Variants in GRIA3 observed in about 807,000 individuals in gnomAD.
GRIA3 encodes glutamate ionotropic receptor AMPA type subunit 3.
Under a neutral mutation model 63.0 loss-of-function variants are expected in GRIA3, and 3 were observed. That is an observed-to-expected ratio of 0.05 (90% CI 0.02 to 0.12). The LOEUF (loss-of-function observed/expected upper bound fraction) is 0.12. Ranked by LOEUF, GRIA3 falls within the 10% of genes least tolerant of loss-of-function variation. The pLI is 1.00. For missense variants in GRIA3, 347 were observed against 700.9 expected, an observed-to-expected ratio of 0.50 and a Z score of 5.70; for synonymous variants, 274 against 257.9, an observed-to-expected ratio of 1.06 and a Z score of -0.60.
chrX:123,285,088 G>A (rs1351447253), intron 3 of GRIA3, among the ~76,000 whole-genome samples: 7 of 111,465 alleles, frequency 6.3e-5, no homozygotes, highest in Non-Finnish European at 1.1e-4. Flanking sequence ...GAGAGTGGGG[G>A]CCAATATTCA....
intron 5 of GRIA3, among the ~76,000 whole-genome samples, chrX:123,372,112 A>T (rs1054655752): frequency 1.8e-5 from 2 of 112,208 alleles, no homozygotes; most frequent in Non-Finnish European, 3.8e-5. Flanking sequence ...CAGTTTTCCC[A>T]GCACAATTTA....
In GRIA3 at chrX:123,360,738, G is replaced by GA. The variant is rs756585455; in HGVS notation, c.750+5782dup. On this transcript the variant is annotated intron_variant, in intron 5 of 15. Coordinates refer to ENST00000620443, the MANE Select transcript of GRIA3 (RefSeq NM_007325.5). ...AGGACACCTTTGTGAATCTGGTTTT[G>GA]AAAAAAACCATCCAAAAGCCCAACA... 1.4e-3 allele frequency among the ~76,000 whole-genome samples: 130 copies of GA among 96,206 alleles called. 2 individuals are homozygous for GA. The highest frequency in any genetic ancestry group is 4.7e-3 in the African/African-American group (123 of 25,971). 83.5% of individuals were successfully genotyped at this position (96,206 alleles called of 115,157 possible). A position where few individuals can be genotyped will look rare whatever the true frequency, so the allele number is the denominator to read the frequency against.
At chrX:123,416,886 A>C (rs1436469801) in intron 10 of GRIA3, among the ~76,000 whole-genome samples, 1 of 112,620 alleles carries the variant, frequency 8.9e-6, no homozygotes, top group Admixed American at 9.4e-5. Context: ...TTTCAAAAAA[A>C]TTCAAGAATA....
chrX:123,198,507 T>A (rs1455042924), intron 2 of GRIA3, among the ~76,000 whole-genome samples: 2 of 112,081 alleles, frequency 1.8e-5, no homozygotes, highest in Non-Finnish European at 3.8e-5. Flanking sequence ...TGGAAGATAT[T>A]CTTAACTATC....
At chrX:123,263,929 A>C (rs1489863861) in intron 3 of GRIA3, among the ~76,000 whole-genome samples, 2 of 112,050 alleles carry the variant, frequency 1.8e-5, no homozygotes, top group Non-Finnish European at 3.8e-5. Context: ...GAGGAGACAT[A>C]TGGAACTCAT....
chrX:123,489,474 CTT>C lies in GRIA3; in HGVS notation c.*766_*767del, dbSNP rs777211857. 2 of 112,596 alleles carry C rather than the reference CTT, an allele frequency of 1.8e-5. No individual in the cohort carries two copies. Among genetic ancestry groups the C allele is most frequent in the African/African-American group, 6.5e-5 (2 of 30,933 alleles). 9.3% of individuals were successfully genotyped at this position (112,596 alleles called of 1,213,427 possible). A position where few individuals can be genotyped will look rare whatever the true frequency, so the allele number is the denominator to read the frequency against. On this transcript the variant is annotated 3_prime_UTR_variant, in exon 16 of 16. Coordinates refer to ENST00000620443, the MANE Select transcript of GRIA3 (RefSeq NM_007325.5). The stretch of plus-strand genomic sequence containing the variant: ...AGATTTACAGAGCTTTCGAAATTGA[CTT>C]TGTGTGTAGCAAGGGACGGGGCACT...
At chrX:123,326,264 T>G (rs1374024612) in intron 4 of GRIA3, 51 bp downstream of exon 4, 1 of 1,010,536 alleles carries the variant, frequency 9.9e-7, no homozygotes, top group African/African-American at 1.9e-5. Flanking sequence ...ATTATCAACC[T>G]AAGTCAGCTC....
At chrX:123,461,942 T>C (rs937270629) in intron 12 of GRIA3, among the ~76,000 whole-genome samples, 1 of 111,558 alleles carries the variant, frequency 9.0e-6, no homozygotes, top group African/African-American at 3.3e-5. Context: ...ACTGATAGAA[T>C]GTAGAAGGAA....
intron 12 of GRIA3, among the ~76,000 whole-genome samples, chrX:123,463,682 A>AAGAAAGAAAGAG (rs2045814249): frequency 4.9e-5 from 2 of 40,707 alleles, no homozygotes; most frequent in Middle Eastern, 0.013. Context: ...GAAAGAAAGA[A>AAGAAAGAAAGAG]AGAGAGAGAA....
At chrX:123,290,492 A>G (rs1168521913) in intron 3 of GRIA3, among the ~76,000 whole-genome samples, 1 of 110,363 alleles carries the variant, frequency 9.1e-6, no homozygotes, top group Non-Finnish European at 1.9e-5. Context: ...TGAGTCCTCT[A>G]TATGGGAGGG....
At position 123,253,323 on chromosome X, in the gene GRIA3, G is replaced by A. The variant is rs751235830; in HGVS notation, c.289G>A (p.Gly97Arg). Residue 97 changes from glycine (G) to arginine (R), a missense_variant, in exon 3 of 16, where the codon GGG (glycine) becomes AGG (arginine). Gly to Arg is a moderately radical substitution (Grantham distance 125, BLOSUM62 -2). This residue lies in a region of GRIA3 where 29 missense variants were observed against 69.4 expected (regional missense o/e 0.42). Transcript: ENST00000620443. ...TGCAGTCTGCTCCCAGTTCTCGAGA[G>A]GGGTGTATGCCATCTTTGGATTCTA... Reference protein sequence around the residue: ...TNAFCSQFSRGVYAIFGFYDQ... With the variant: ...TNAFCSQFSRRVYAIFGFYDQ... 8.3e-7 allele frequency: 1 copy of A among 1,208,328 alleles called. No homozygotes were observed.
chrX:123,375,298 G>A (rs1407084754), intron 5 of GRIA3, among the ~76,000 whole-genome samples: 2 of 112,017 alleles, frequency 1.8e-5, no homozygotes, highest in Admixed American at 1.9e-4. Context: ...ACTTGGTCTT[G>A]ATGAATGACA....
rs764479661 is a variant in GRIA3 at position 123,354,892 on chromosome X, T to C, written c.697-18T>C. The C allele has an allele frequency of 1.7e-6, 2 of 1,157,027 alleles. No individual in the cohort carries two copies. Among genetic ancestry groups the C allele is most frequent in the African/African-American group, 3.6e-5 (2 of 56,280 alleles). On this transcript the variant is annotated intron_variant, in intron 4 of 15. Transcript: ENST00000620443. ...TCCTTCTTGAATAAGCAATATGTCT[T>C]ATTTCTTCTTTCTGCAGGTTGTGAT... is the stretch of plus-strand genomic sequence containing the variant.
chrX:123,367,372 T>G (rs1328708938), intron 5 of GRIA3, among the ~76,000 whole-genome samples: 1 of 112,042 alleles, frequency 8.9e-6, no homozygotes, highest in East Asian at 2.8e-4. Flanking sequence ...AAGTCAAACT[T>G]GTTAAAAATG....
At chrX:123,478,084 C>T (rs2045894993) in intron 13 of GRIA3, among the ~76,000 whole-genome samples, 1 of 111,636 alleles carries the variant, frequency 9.0e-6, no homozygotes, top group African/African-American at 3.3e-5. Context: ...CATTGCTGAG[C>T]CTGGTGCCAC....
intron 11 of GRIA3, among the ~76,000 whole-genome samples, chrX:123,419,610 A>G (rs1033513928): frequency 9.0e-6 from 1 of 111,227 alleles, no homozygotes; most frequent in East Asian, 2.8e-4. Flanking sequence ...CAGGGCCAGT[A>G]TCAGGGTGAG....
Position 123,465,056 on chromosome X carries a change from T to G in GRIA3, c.2268T>G (p.Gly756=), listed in dbSNP as rs770584641. 1.7e-6 allele frequency: 2 copies of G among 1,206,709 alleles called. No homozygotes were observed. Among genetic ancestry groups the G allele is most frequent in the Non-Finnish European group, 2.2e-6 (2 of 892,633 alleles). The change falls in exon 13 of 16, where the codon GGT becomes GGG. Residue 756 remains glycine, a synonymous_variant. Coordinates refer to ENST00000620443, the MANE Select transcript of GRIA3 (RefSeq NM_007325.5). ...AACCATGTGATACGATGAAAGTTGG[T>G]GGAAATCTGGATTCCAAAGGCTATG... is the stretch of plus-strand genomic sequence containing the variant. ...QRKPCDTMKV[G]GNLDSKGYGV...
At position 123,234,139 on chromosome X, in the gene GRIA3, A is replaced by G. The variant is rs760519393; in HGVS notation, c.269-19164A>G. On this transcript the variant is annotated intron_variant, in intron 2 of 15. Transcript: ENST00000620443. ...TTCCCTTCTGTGGCCTCTCCTTCTT[A>G]TGAACTATGACCTTCCCAGATGCTA... 7.2e-5 allele frequency among the ~76,000 whole-genome samples: 8 copies of G among 111,027 alleles called. No homozygotes were observed. In the South Asian group the frequency reaches 3.1e-3, roughly 43 times the overall value.
intron 5 of GRIA3, among the ~76,000 whole-genome samples, chrX:123,376,513 A>G (rs1431178551): frequency 1.8e-5 from 2 of 112,175 alleles, no homozygotes; most frequent in African/African-American, 6.5e-5. Context: ...ATCATGATAG[A>G]ATCTGGGAAT....
Sources: gnomAD v4.1 joint callset for allele counts (sites outside exome capture counted in the v4.1 genomes callset) on GRCh38, gnomAD v4.1.1 for gene constraint, gnomAD v4.1.1 regional missense constraint, MANE v1.5 for transcripts, NCBI Gene and HGNC (gene_info 2026-07-23, HGNC 2026-07-21) for gene names.